The following GPC5 variants were observed in gnomAD, a reference collection of about 807,000 sequenced individuals.
The protein encoded by GPC5 is glypican-5.
Under a neutral mutation model 53.9 loss-of-function variants are expected in GPC5, and 47 were observed. That is an observed-to-expected ratio of 0.87 (90% CI 0.69 to 1.11). GPC5 has a LOEUF of 1.11. Ranked by LOEUF, GPC5 falls within the 50% of genes most tolerant of loss-of-function variation. GPC5 has a pLI of 0.00. For synonymous variants in GPC5, 286 were observed against 263.3 expected (o/e 1.09, Z -0.84); for missense variants, 748 against 713.1 (o/e 1.05, Z -0.56).
intron 7 of GPC5, among the ~76,000 whole-genome samples, chr13:92,324,142 C>A (rs1213660078): frequency 1.3e-5 from 2 of 151,842 alleles, no homozygotes; most frequent in Non-Finnish European, 2.9e-5. Flanking sequence ...TCCTTTCATG[C>A]AGATTTTACT....
At chr13:91,408,652 C>A (rs1229752004) in intron 1 of GPC5, among the ~76,000 whole-genome samples, 1 of 152,098 alleles carries the variant, frequency 6.6e-6, no homozygotes, top group Non-Finnish European at 1.5e-5. Context: ...TATGGTCCAG[C>A]TATTAACTTA....
At chr13:91,552,183 T>C (rs1395664674) in intron 2 of GPC5, among the ~76,000 whole-genome samples, 8 of 152,074 alleles carry the variant, frequency 5.3e-5, no homozygotes, top group Non-Finnish European at 7.4e-5. Flanking sequence ...AAGAAGGTTG[T>C]TAATTGCCCC....
At chr13:91,584,715 G>C (rs7334340) in intron 2 of GPC5, among the ~76,000 whole-genome samples, 43 of 152,122 alleles carry the variant, frequency 2.8e-4, no homozygotes, top group African/African-American at 1.0e-3. Flanking sequence ...GCCTCAGCGG[G>C]ATTACAGGTG....
At chr13:92,545,164 G>A (rs1464827733) in intron 7 of GPC5, among the ~76,000 whole-genome samples, 2 of 152,000 alleles carry the variant, frequency 1.3e-5, no homozygotes, top group Non-Finnish European at 2.9e-5. Context: ...GTGAGAACAT[G>A]TGGTGGTTGG....
intron 1 of GPC5, among the ~76,000 whole-genome samples, chr13:91,436,632 G>T (rs1476645220): frequency 6.6e-6 from 1 of 151,796 alleles, no homozygotes; most frequent in Non-Finnish European, 1.5e-5. Context: ...TGGAATAAGT[G>T]CGGTGTGGTG....
At chr13:92,020,493 T>G (rs916350616) in intron 6 of GPC5, among the ~76,000 whole-genome samples, 6 of 152,116 alleles carry the variant, frequency 3.9e-5, no homozygotes, top group Non-Finnish European at 1.5e-5. Context: ...TCTATTTTTT[T>G]TTCATCATAG....
chr13:92,415,621 G>A (rs1022003614), intron 7 of GPC5, among the ~76,000 whole-genome samples: 2 of 151,622 alleles, frequency 1.3e-5, no homozygotes, highest in African/African-American at 4.8e-5. Context: ...AAGACGTTGA[G>A]TGAGTCTTCA....
At chr13:92,666,621 A>G (rs1394849898) in intron 7 of GPC5, among the ~76,000 whole-genome samples, 4 of 152,360 alleles carry the variant, frequency 2.6e-5, no homozygotes, top group African/African-American at 7.2e-5. Flanking sequence ...TTATAAGAAG[A>G]TTAGTAGACT....
intron 2 of GPC5, among the ~76,000 whole-genome samples, chr13:91,621,103 T>C (rs911600425): frequency 6.6e-6 from 1 of 152,190 alleles, no homozygotes; most frequent in African/African-American, 2.4e-5. Context: ...CAGATCTCTC[T>C]GCTTAATTTC....
At chr13:92,365,100 AGT>A (rs1235395669) in intron 7 of GPC5, among the ~76,000 whole-genome samples, 1 of 151,740 alleles carries the variant, frequency 6.6e-6, no homozygotes, top group East Asian at 1.9e-4. Flanking sequence ...TGAGAAATGC[AGT>A]GTTAGGCGGT....
chr13:91,538,769 A>G (rs1161116979), intron 2 of GPC5, among the ~76,000 whole-genome samples: 2 of 151,586 alleles, frequency 1.3e-5, no homozygotes, highest in African/African-American at 4.9e-5. Flanking sequence ...TTTTTAGTAG[A>G]GACCGGGTTT....
intron 7 of GPC5, among the ~76,000 whole-genome samples, chr13:92,253,581 G>A (rs767721501): frequency 3.9e-5 from 6 of 152,104 alleles, no homozygotes; most frequent in Non-Finnish European, 7.4e-5. Flanking sequence ...TGCAGCCATG[G>A]CATTGCAAAG....
At chr13:91,794,679 T>C (rs1419340441) in intron 5 of GPC5, among the ~76,000 whole-genome samples, 1 of 152,224 alleles carries the variant, frequency 6.6e-6, no homozygotes, top group Non-Finnish European at 1.5e-5. Flanking sequence ...ATAAATTAGG[T>C]CTAGGGTCTA....
chr13:92,205,937 G>C (rs2042331023), intron 7 of GPC5, among the ~76,000 whole-genome samples: 1 of 150,396 alleles, frequency 6.6e-6, no homozygotes. Context: ...AGCTAATCGG[G>C]AAGCTGAGGA....
chr13:91,986,187 T>A lies in GPC5; in HGVS notation c.1401+78130T>A, dbSNP rs2040406230. On this transcript the variant is annotated intron_variant, in intron 6 of 7. Transcript: ENST00000377067. ...TTCATACCATTCTCCTGCCTCAGCC[T>A]CCCGAGTATCTGGGACTACAGGCAC... Among the ~76,000 whole-genome samples, 9 of 147,124 alleles carry A rather than the reference T, an allele frequency of 6.1e-5. 1 individual carries two copies. The Admixed American group carries it at 6.2e-4, about 10-fold the overall frequency.
At chr13:91,719,381 C>T (rs2036416348) in intron 3 of GPC5, among the ~76,000 whole-genome samples, 1 of 152,180 alleles carries the variant, frequency 6.6e-6, no homozygotes. Flanking sequence ...CTGTTTATAC[C>T]AGTGACCATC....
intron 5 of GPC5, among the ~76,000 whole-genome samples, chr13:91,802,431 C>T (rs2038150922): frequency 6.6e-6 from 1 of 152,178 alleles, no homozygotes; most frequent in Non-Finnish European, 1.5e-5. Context: ...AAAGGTACTG[C>T]AGACCCAAAG....
intron 7 of GPC5, among the ~76,000 whole-genome samples, chr13:92,166,936 TCTCTCTCTCTCTCTCTCTCTCA>T (rs1269671071): frequency 1.9e-5 from 2 of 102,980 alleles, no homozygotes; most frequent in African/African-American, 8.0e-5. Flanking sequence ...TCTCTCTCTC[TCTCTCTCTCTCTCTCTCTCTCA>T]CACACACACA....
At position 91,754,651 on chromosome 13, in the gene GPC5, T is replaced by G. The variant is rs149527416; in HGVS notation, c.1155-1644T>G. ...CAGGAGTCACACATCCTGCCATTCATTAAATCCCACCTTTCTAAAAAAGAA... is the reference window on the plus strand; with the variant it reads ...CAGGAGTCACACATCCTGCCATTCAGTAAATCCCACCTTTCTAAAAAAGAA... On this transcript the variant is annotated intron_variant, in intron 4 of 7. Transcript: ENST00000377067. Among the ~76,000 whole-genome samples the G allele has an allele frequency of 3.4e-3, 515 of 152,260 alleles. 4 individuals are homozygous for G. Among genetic ancestry groups the G allele is most frequent in the Non-Finnish European group, 5.6e-3 (383 of 67,988 alleles).
Sources: allele counts gnomAD v4.1 joint callset (sites outside exome capture counted in the v4.1 genomes callset), GRCh38; gene constraint gnomAD v4.1.1; transcripts MANE v1.5; gene names NCBI Gene and HGNC (gene_info 2026-07-23, HGNC 2026-07-21).